Variants in PSMA1 observed in about 807,000 individuals in gnomAD.
The protein encoded by PSMA1 is proteasome subunit alpha type-1.
In PSMA1, 3 loss-of-function variants were observed where a neutral mutation model predicts 38.4. That is an observed-to-expected ratio of 0.08 (90% CI 0.04 to 0.20). The LOEUF (loss-of-function observed/expected upper bound fraction) is 0.20, where lower values mean the gene tolerates loss of function less well. Ranked by LOEUF, PSMA1 falls within the 10% of genes least tolerant of loss-of-function variation. The pLI, the probability that PSMA1 is intolerant of heterozygous loss-of-function variation, is 1.00. For synonymous variants in PSMA1, 101 were observed against 107.1 expected (o/e 0.94, Z 0.35); for missense variants, 227 against 325.3 (o/e 0.70, Z 2.32).
chr11:14,594,533 A>C (rs1852462807), intron 2 of PSMA1, among the ~76,000 whole-genome samples: 1 of 152,224 alleles, frequency 6.6e-6, no homozygotes, highest in Non-Finnish European at 1.5e-5. Context: ...AGTGTTCAAT[A>C]TTGATTTAAT....
intron 2 of PSMA1, among the ~76,000 whole-genome samples, chr11:14,601,031 A>G (rs1852574490): frequency 6.6e-6 from 1 of 152,238 alleles, no homozygotes; most frequent in Non-Finnish European, 1.5e-5. Context: ...CAGGGAAACA[A>G]ATCACTCATT....
At chr11:14,518,687 C>T (rs1053079382) in intron 2 of PSMA1, among the ~76,000 whole-genome samples, 1 of 152,028 alleles carries the variant, frequency 6.6e-6, no homozygotes, top group African/African-American at 2.4e-5. Context: ...CTTTTTTCCT[C>T]CCCACTGCCA....
At chr11:14,627,560 C>T (rs1332784220) in intron 1 of PSMA1, among the ~76,000 whole-genome samples, 1 of 152,164 alleles carries the variant, frequency 6.6e-6, no homozygotes, top group Non-Finnish European at 1.5e-5. Flanking sequence ...CCACCAACTA[C>T]TAGATGTGTA....
chr11:14,581,606 T>A (rs1349557247), intron 2 of PSMA1, among the ~76,000 whole-genome samples: 4 of 152,108 alleles, frequency 2.6e-5, no homozygotes, highest in Non-Finnish European at 4.4e-5. Flanking sequence ...TAATAATAAT[T>A]ATTTTTCCAG....
chr11:14,631,586 G>C (rs995067337), intron 1 of PSMA1, among the ~76,000 whole-genome samples: 90 of 152,070 alleles, frequency 5.9e-4, no homozygotes, highest in Non-Finnish European at 7.9e-4. Context: ...TTACTTCCCA[G>C]TATGTGGTCA....
chr11:14,582,990 G>C (rs551686096), intron 2 of PSMA1, among the ~76,000 whole-genome samples: 1 of 152,252 alleles, frequency 6.6e-6, no homozygotes, highest in South Asian at 2.1e-4. Context: ...AACCCAGCTG[G>C]ATTTTTGCTA....
chr11:14,631,367 C>G (rs987529268), intron 1 of PSMA1, among the ~76,000 whole-genome samples: 4 of 151,998 alleles, frequency 2.6e-5, no homozygotes, highest in South Asian at 4.2e-4. Flanking sequence ...TATGTTGTGT[C>G]TTTGTTCTCG....
chr11:14,536,967 C>A (rs921140795), intron 2 of PSMA1, among the ~76,000 whole-genome samples: 1 of 152,184 alleles, frequency 6.6e-6, no homozygotes, highest in Non-Finnish European at 1.5e-5. Context: ...TTTCCTTTAG[C>A]TTGTTGCTGG....
intron 1 of PSMA1, among the ~76,000 whole-genome samples, chr11:14,631,081 G>A (rs1232562522): frequency 7.9e-5 from 12 of 151,470 alleles, no homozygotes; most frequent in South Asian, 6.3e-4. Flanking sequence ...TCTTGCTAGC[G>A]GTCTATGAAT....
intron 2 of PSMA1, among the ~76,000 whole-genome samples, chr11:14,579,060 A>C (rs189470529): frequency 1.8e-4 from 27 of 152,204 alleles, no homozygotes; most frequent in Non-Finnish European, 3.4e-4. Context: ...CTATTATACA[A>C]CACTTTGGAA....
At chr11:14,577,439 C>G (rs1248673609) in intron 2 of PSMA1, among the ~76,000 whole-genome samples, 1 of 152,148 alleles carries the variant, frequency 6.6e-6, no homozygotes, top group Non-Finnish European at 1.5e-5. Flanking sequence ...TTCCTCCATT[C>G]TACCTCTGCT....
chr11:14,622,146 T>TA (rs1191475672), intron 1 of PSMA1, among the ~76,000 whole-genome samples: 1 of 152,182 alleles, frequency 6.6e-6, no homozygotes, highest in Admixed American at 6.5e-5. Flanking sequence ...AAGCAATTAG[T>TA]AGCCCCAATT....
intron 1 of PSMA1, among the ~76,000 whole-genome samples, chr11:14,635,538 C>T (rs1853104024): frequency 6.6e-6 from 1 of 152,138 alleles, no homozygotes; most frequent in African/African-American, 2.4e-5. Context: ...TCTGACTAGA[C>T]ATTAATAAAA....
chr11:14,546,134 C>T (rs1248111778), intron 2 of PSMA1, among the ~76,000 whole-genome samples: 1 of 146,066 alleles, frequency 6.8e-6, no homozygotes. Context: ...TTCTACCTTT[C>T]TCTCTCTCTC....
At chr11:14,551,143 TA>T (rs1400678825) in intron 2 of PSMA1, among the ~76,000 whole-genome samples, 1 of 152,234 alleles carries the variant, frequency 6.6e-6, no homozygotes, top group Non-Finnish European at 1.5e-5. Flanking sequence ...TCAAATACTA[TA>T]ATGATGTAAT....
rs772927058 is a variant in PSMA1 at position 14,514,427 on chromosome 11, G to A, written c.319C>T (p.Arg107Cys). The A allele has an allele frequency of 1.2e-6, 2 of 1,607,214 alleles. No homozygotes were observed. The highest frequency in any genetic ancestry group is 8.5e-7 in the Non-Finnish European group (1 of 1,175,754). ...CTGCTTCCAATTAGAGATACAAGAC[G>A]AGACACAGGCAGTGGTCTATCGAAT... Reference protein sequence around the residue: ...FVFDRPLPVSRLVSLIGSKTQ... With the variant: ...FVFDRPLPVSCLVSLIGSKTQ... The change falls in exon 5 of 10, where the codon CGT becomes TGT. Residue 107 changes from arginine (R) to cysteine (C), a missense_variant. Transcript: ENST00000396394.
chr11:14,507,724 T>C lies in PSMA1; in HGVS notation c.667A>G (p.Ile223Val), dbSNP rs560566513. ...GIVGKDLEFT[I>V]YDDDDVSPFL... The stretch of plus-strand genomic sequence containing the variant: ...GGAGACACATCATCATCATCATAGA[T>C]TGTAAACTCCAAGTCTTTACCAACA... Residue 223 changes from isoleucine to valine, a missense_variant, in exon 9 of 10, where the codon ATC becomes GTC. Transcript: ENST00000396394. 40 of 1,613,258 alleles carry C rather than the reference T, an allele frequency of 2.5e-5. No individual in the cohort carries two copies. In the South Asian group the frequency reaches 3.8e-4, roughly 16 times the overall value.
At chr11:14,573,297 C>T (rs1231250300) in intron 2 of PSMA1, among the ~76,000 whole-genome samples, 6 of 152,166 alleles carry the variant, frequency 3.9e-5, no homozygotes, top group Non-Finnish European at 8.8e-5. Context: ...AGCAGCACAT[C>T]AAAAAGCTTA....
At chr11:14,623,684 T>C (rs1300986877) in intron 1 of PSMA1, among the ~76,000 whole-genome samples, 2 of 152,302 alleles carry the variant, frequency 1.3e-5, no homozygotes, top group South Asian at 2.1e-4. Flanking sequence ...TAAGCCAGTC[T>C]TTGTTGTTGG....
Sources: gnomAD v4.1 joint callset for allele counts (sites outside exome capture counted in the v4.1 genomes callset) on GRCh38, gnomAD v4.1.1 for gene constraint, MANE v1.5 for transcripts, NCBI Gene and HGNC (gene_info 2026-07-23, HGNC 2026-07-21) for gene names.